WIZ: variants seen among roughly 807,000 people sequenced by gnomAD.
The protein encoded by WIZ is WIZ zinc finger.
Under a neutral mutation model 140.2 loss-of-function variants are expected in WIZ, and 25 were observed. The observed-to-expected ratio is 0.18, with a 90% CI of 0.13 to 0.25. The LOEUF is 0.25. Ranked by LOEUF, WIZ falls within the 10% of genes least tolerant of loss-of-function variation. WIZ has a pLI of 1.00. For missense variants in WIZ, 2,231 were observed against 2,632.6 expected (o/e 0.85, Z 3.34); for synonymous variants, 1,125 against 1,154.3 (o/e 0.97, Z 0.51).
At position 15,427,207 on chromosome 19, in the gene WIZ, G is replaced by A. The variant is rs1968889742; in HGVS notation, c.4141C>T (p.Pro1381Ser). Residue 1381 changes from proline (P) to serine (S), a missense_variant, in exon 9 of 13, where the codon CCA (proline) becomes TCA (serine). Pro to Ser is a moderately conservative substitution (Grantham distance 74). Transcript: ENST00000673675. This position sits in a 1 kb window ranked among gnomAD's most constrained non-coding sequence, Gnocchi z 6.4. ...GAGTGGCCCAGGGGGCTGCCCGGTG[G>A]TGGTGGCAACTTCTTGGCCAAGGGT... Reference protein sequence around the residue: ...ISPLAKKLPPPPGSPLGHSPT... With the variant: ...ISPLAKKLPPSPGSPLGHSPT... 2.5e-6 allele frequency: 4 copies of A among 1,614,208 alleles called. No homozygotes were observed. The highest frequency in any genetic ancestry group is 1.7e-4 in the Middle Eastern group (1 of 6,054).
intron 2 of WIZ, among the ~76,000 whole-genome samples, chr19:15,445,194 A>G (rs780649104): frequency 6.6e-6 from 1 of 152,210 alleles, no homozygotes; most frequent in Non-Finnish European, 1.5e-5. Flanking sequence ...GAGTTTGCAA[A>G]TGCTGATGGC....
Position 15,448,114 on chromosome 19 carries a change from C to A in WIZ, c.194G>T (p.Gly65Val), listed in dbSNP as rs1317794477. ...GCCCATTCTCTTACCAGAGATGCCA[C>A]CTCTGCCATCCAGAATGTCTCGGGG... ...EGPRDILDGR[G>V]GISDGQPHPG... Residue 65 changes from glycine to valine, a missense_variant, in exon 2 of 13, where the codon GGT becomes GTT. Gly to Val is a moderately radical substitution (Grantham distance 109). Coordinates refer to ENST00000673675, the MANE Select transcript of WIZ (RefSeq NM_001371589.1). 6.2e-7 allele frequency: 1 copy of A among 1,612,252 alleles called. No individual in the cohort carries two copies. The highest frequency in any genetic ancestry group is 8.5e-7 in the Non-Finnish European group (1 of 1,179,252).
chr19:15,446,697 C>A (rs563398311), intron 2 of WIZ, among the ~76,000 whole-genome samples: 2 of 152,196 alleles, frequency 1.3e-5, no homozygotes, highest in Non-Finnish European at 2.9e-5. Flanking sequence ...CTGGTTGCTC[C>A]CCACCAGGTG....
At chr19:15,432,585 C>T (rs1419390350) in intron 5 of WIZ, 4 of 405,864 alleles carry the variant, frequency 9.9e-6, no homozygotes, top group Admixed American at 6.8e-5. Context: ...GGCCCGGGCT[C>T]GGGGGGCTGG....
At chr19:15,433,870 C>T (rs1969409679) in intron 5 of WIZ, among the ~76,000 whole-genome samples, 2 of 152,224 alleles carry the variant, frequency 1.3e-5, no homozygotes, top group African/African-American at 4.8e-5. Flanking sequence ...CCTTTGCAGG[C>T]TCATGAATGC....
At position 15,442,819 on chromosome 19, in the gene WIZ, G is replaced by A; in HGVS notation, c.206-71C>T. The A allele has an allele frequency of 2.0e-6, 2 of 1,011,224 alleles. No individual in the cohort carries two copies. Among genetic ancestry groups the A allele is most frequent in the Non-Finnish European group, 2.5e-6 (2 of 786,240 alleles). The allele number at this position is 1,011,224 out of a possible 1,614,324, so 62.6% of individuals were successfully genotyped here. A position where few individuals can be genotyped will look rare whatever the true frequency, so the allele number is the denominator to read the frequency against. On this transcript the variant is annotated intron_variant, in intron 2 of 12. Transcript: ENST00000673675. This position sits in a 1 kb window ranked among gnomAD's most constrained non-coding sequence, Gnocchi z 5.5. The stretch of plus-strand genomic sequence containing the variant: ...CGGGGCCCTCCACACCCCAGCTCCA[G>A]GAGCCCTGCCAGGTGCCTCAGAAAG...
At chr19:15,446,674 C>T (rs1034168357) in intron 2 of WIZ, among the ~76,000 whole-genome samples, 1 of 152,210 alleles carries the variant, frequency 6.6e-6, no homozygotes, top group Admixed American at 6.5e-5. Flanking sequence ...CCTCTCACTT[C>T]CTGCAGGAAC....
rs1599704594 is a variant in WIZ, at chr19:15,440,411, A to G, written c.583T>C (p.Ser195Pro). 2 of 1,535,282 alleles carry G rather than the reference A, an allele frequency of 1.3e-6. No individual in the cohort carries two copies. The highest frequency in any genetic ancestry group is 1.7e-6 in the Non-Finnish European group (2 of 1,146,560). ...DWLQDEDEQG[S>P]PQDAGLHLDL... ...AAGTGCAGCCCTGCGTCCTGGGGGG[A>G]TCCCTGCTCGTCCTCATCTTGGAGC... The change falls in exon 4 of 13, where the codon TCC (serine) becomes CCC (proline). Residue 195 changes from serine to proline, a missense_variant. By Grantham distance (74) the Ser-to-Pro change is moderately conservative. Transcript: ENST00000673675. This position sits in a 1 kb window ranked among gnomAD's most constrained non-coding sequence, Gnocchi z 6.2.
chr19:15,448,087 C>T lies in WIZ; in HGVS notation c.205+16G>A, dbSNP rs139448002. On this transcript the variant is annotated intron_variant, in intron 2 of 12. Coordinates refer to ENST00000673675, the MANE Select transcript of WIZ (RefSeq NM_001371589.1). Reference sequence around the variant, plus strand: ...GGCTGGATGCTCCCTGGGGGCCACACGGCCCATTCTCTTACCAGAGATGCC... The same window carrying T: ...GGCTGGATGCTCCCTGGGGGCCACATGGCCCATTCTCTTACCAGAGATGCC... 183 of 1,611,178 alleles carry T rather than the reference C, an allele frequency of 1.1e-4. No homozygotes were observed. The East Asian group carries it at 3.9e-3, about 34-fold the overall frequency.
Position 15,439,428 on chromosome 19 carries a change from C to A in WIZ, c.1566G>T (p.Val522=). 1 of 1,530,536 alleles carries A rather than the reference C, an allele frequency of 6.5e-7. No homozygotes were observed. Among genetic ancestry groups the A allele is most frequent in the Non-Finnish European group, 8.7e-7 (1 of 1,143,382 alleles). The allele number at this position is 1,530,536 out of a possible 1,614,324, so 94.8% of individuals were successfully genotyped here. ...DAHACFPDTA[V]DYFGKAEPSL... is the part of the protein sequence containing the mutation. ...ACGGCTCAGCTTTGCCAAAGTAGTC[C>A]ACAGCAGTGTCAGGGAAGCAGGCGT... The change falls in exon 4 of 13, where the codon GTG becomes GTT. Residue 522 remains valine, a synonymous_variant. Transcript: ENST00000673675. The surrounding 1 kb of genome is among the most constrained non-coding windows in gnomAD (Gnocchi z 7.0).
At position 15,427,034 on chromosome 19, in the gene WIZ, T is replaced by C; in HGVS notation, c.4314A>G (p.Pro1438=). The change falls in exon 9 of 13, where the codon CCA becomes CCG. Residue 1438 remains proline, a synonymous_variant. Coordinates refer to ENST00000673675, the MANE Select transcript of WIZ (RefSeq NM_001371589.1). This position sits in a 1 kb window ranked among gnomAD's most constrained non-coding sequence, Gnocchi z 6.4. ...GTGGTGCCCCCCAGGGACCCTCAGA[T>C]GGGTGCAGTTCCCCATGAAGGGCCC... The part of the protein sequence containing the change: ...LPGALHGELH[P]SEGPWGAPRE... 4 of 1,614,184 alleles carry C rather than the reference T, an allele frequency of 2.5e-6. No homozygotes were observed. The highest frequency in any genetic ancestry group is 3.4e-6 in the Non-Finnish European group (4 of 1,180,010).
At chr19:15,446,677 G>C (rs1969930430) in intron 2 of WIZ, among the ~76,000 whole-genome samples, 1 of 152,116 alleles carries the variant, frequency 6.6e-6, no homozygotes, top group African/African-American at 2.4e-5. Flanking sequence ...CTCACTTCCT[G>C]CAGGAACTCC....
intron 5 of WIZ, chr19:15,432,322 C>T: frequency 1.8e-6 from 1 of 548,778 alleles, no homozygotes; most frequent in Non-Finnish European, 2.3e-6. Flanking sequence ...ACTAAAGGGC[C>T]TGGGGGAGGG....
Position 15,425,559 on chromosome 19 carries a change from C to T in WIZ, c.4576G>A (p.Gly1526Arg). The change falls in exon 10 of 13, where the codon GGA (glycine) becomes AGA (arginine). Residue 1526 changes from glycine to arginine, a missense_variant. Gly to Arg is a moderately radical substitution (Grantham distance 125). Transcript: ENST00000673675. Reference sequence around the variant, plus strand: ...TCAGCCAGGGCAGGGGCCAGGTCTCCAGCCGGTGGCTCCTTCTTGATGAGG... The same window carrying T: ...TCAGCCAGGGCAGGGGCCAGGTCTCTAGCCGGTGGCTCCTTCTTGATGAGG... ...PCLIKKEPPA[G>R]DLAPALAEDG... 6.2e-7 allele frequency: 1 copy of T among 1,613,022 alleles called. No individual in the cohort carries two copies. Among genetic ancestry groups the T allele is most frequent in the Admixed American group, 1.7e-5 (1 of 60,018 alleles).
intron 6 of WIZ, 118 bp from the exon 7 acceptor site, chr19:15,430,207 T>C (rs2145281742): frequency 1.1e-5 from 15 of 1,379,360 alleles, no homozygotes; most frequent in Non-Finnish European, 1.4e-5. Flanking sequence ...TTTGCCTCCG[T>C]CAGGCCCCCC....
At chr19:15,430,155 C>T in intron 6 of WIZ, 66 bp from the exon 7 acceptor site, 1 of 1,445,240 alleles carries the variant, frequency 6.9e-7, no homozygotes, top group Non-Finnish European at 9.1e-7. Flanking sequence ...TCCCGCTTCT[C>T]CTCCCCTGAG....
Position 15,440,410 on chromosome 19 carries a change from G to T in WIZ, c.584C>A (p.Ser195Tyr). The change falls in exon 4 of 13, where the codon TCC becomes TAC. Residue 195 changes from serine (S) to tyrosine (Y), a missense_variant. By Grantham distance (144) the Ser-to-Tyr change is moderately radical. Around this residue, in one of 15 missense-constraint regions of WIZ, gnomAD observed 307 missense variants for 294.1 expected, o/e 1.04. Coordinates refer to ENST00000673675, the MANE Select transcript of WIZ (RefSeq NM_001371589.1). The surrounding 1 kb of genome is among the most constrained non-coding windows in gnomAD (Gnocchi z 6.2). ...CAAGTGCAGCCCTGCGTCCTGGGGG[G>T]ATCCCTGCTCGTCCTCATCTTGGAG... The part of the protein sequence containing the change: ...DWLQDEDEQG[S>Y]PQDAGLHLDL... 6.5e-7 allele frequency: 1 copy of T among 1,535,794 alleles called. No homozygotes were observed.
chr19:15,427,633 G>A lies in WIZ; in HGVS notation c.3815-100C>T, dbSNP rs915842921. 3.0e-5 allele frequency: 40 copies of A among 1,339,698 alleles called. No homozygotes were observed. Among genetic ancestry groups the A allele is most frequent in the Non-Finnish European group, 4.0e-5 (40 of 996,374 alleles). 83.0% of individuals were successfully genotyped at this position (1,339,698 alleles called of 1,614,324 possible). On this transcript the variant is annotated intron_variant, in intron 8 of 12. Transcript: ENST00000673675. The surrounding 1 kb of genome is among the most constrained non-coding windows in gnomAD (Gnocchi z 6.4). ...GGCTGGGCGTGGGCGGCAGCAGCACGCCCACAGGTTAGGGTGGTGAGGGCA... is the reference window on the plus strand; with the variant it reads ...GGCTGGGCGTGGGCGGCAGCAGCACACCCACAGGTTAGGGTGGTGAGGGCA...
chr19:15,422,674 A>C lies in WIZ; in HGVS notation c.*402T>G. The C allele has an allele frequency of 4.7e-6, 1 of 214,076 alleles. No individual in the cohort carries two copies. The highest frequency in any genetic ancestry group is 9.4e-6 in the Non-Finnish European group (1 of 106,038). The allele number at this position is 214,076 out of a possible 1,614,324, so 13.3% of individuals were successfully genotyped here. A position where few individuals can be genotyped will look rare whatever the true frequency, so the allele number is the denominator to read the frequency against. On this transcript the variant is annotated 3_prime_UTR_variant, in exon 13 of 13. Coordinates refer to ENST00000673675, the MANE Select transcript of WIZ (RefSeq NM_001371589.1). The stretch of plus-strand genomic sequence containing the variant: ...CGCATGTACATGTGTGTGAGAGGAT[A>C]TTCATGGGGGAGAGAGGGAACCAGA...
Sources: gnomAD v4.1 joint callset for allele counts (sites outside exome capture counted in the v4.1 genomes callset) on GRCh38, gnomAD v4.1.1 for gene constraint, gnomAD v4.1.1 regional missense constraint, Gnocchi (gnomAD v3.1) non-coding constraint, MANE v1.5 for transcripts, NCBI Gene and HGNC (gene_info 2026-07-23, HGNC 2026-07-21) for gene names.